GRK4: variants seen among roughly 807,000 people sequenced by gnomAD.
The protein encoded by GRK4 is G protein-coupled receptor kinase 2-like.
GRK4 carries 73 observed loss-of-function variants against 77.9 expected under a neutral mutation model. That is an observed-to-expected ratio of 0.94 (90% CI 0.78 to 1.14). GRK4 has a LOEUF of 1.14. GRK4 is among the 50% of genes most tolerant of loss of function. The probability of loss-of-function intolerance (pLI) is 0.00; values close to 1 mark genes in which losing one functional copy is unlikely to be tolerated. For missense variants in GRK4, 729 were observed against 700.2 expected (o/e 1.04, Z -0.46); for synonymous variants, 257 against 254.4 (o/e 1.01, Z -0.10).
chr4:3,024,223 C>T (rs746411861), intron 10 of GRK4, among the ~76,000 whole-genome samples: 2 of 152,250 alleles, frequency 1.3e-5, no homozygotes, highest in Non-Finnish European at 2.9e-5. Context: ...GACCACAGTC[C>T]TCTGATGCCG....
At chr4:2,979,429 G>A (rs1452677932) in intron 1 of GRK4, among the ~76,000 whole-genome samples, 11 of 123,454 alleles carry the variant, frequency 8.9e-5, no homozygotes, top group South Asian at 2.5e-4. Flanking sequence ...AAAAAAAAGA[G>A]TGGCCAGGCA....
In GRK4 at chr4:3,007,939, G is replaced by T. The variant is rs540020998; in HGVS notation, c.536+111G>T. 1,128 of 697,114 alleles carry T rather than the reference G, an allele frequency of 1.6e-3. 1 individual carries two copies. Among genetic ancestry groups the T allele is most frequent in the Non-Finnish European group, 2.3e-3 (946 of 406,982 alleles). 43.2% of individuals were successfully genotyped at this position (697,114 alleles called of 1,614,324 possible). ...GATTGCTTAAGCCCAAGACTTCAAGGCTATAGTACGGGATGATCAAGCCTG... is the reference window on the plus strand; with the variant it reads ...GATTGCTTAAGCCCAAGACTTCAAGTCTATAGTACGGGATGATCAAGCCTG... On this transcript the variant is annotated intron_variant, in intron 6 of 15. Transcript: ENST00000398052.
intron 10 of GRK4, among the ~76,000 whole-genome samples, chr4:3,027,293 G>A (rs1046497178): frequency 1.4e-4 from 21 of 152,148 alleles, no homozygotes; most frequent in African/African-American, 2.4e-5. Flanking sequence ...GTAATCCTCC[G>A]ACCTTGGCCT....
chr4:2,983,522 C>T (rs1180757964), intron 1 of GRK4, among the ~76,000 whole-genome samples: 1 of 152,194 alleles, frequency 6.6e-6, no homozygotes, highest in Non-Finnish European at 1.5e-5. Flanking sequence ...TGCTCTTCTC[C>T]CAGCACTTGC....
At chr4:2,993,723 T>C (rs1489668651) in intron 4 of GRK4, among the ~76,000 whole-genome samples, 2 of 152,124 alleles carry the variant, frequency 1.3e-5, no homozygotes, top group Non-Finnish European at 2.9e-5. Flanking sequence ...TAACATGTAA[T>C]ACATTATGTA....
At chr4:2,966,669 T>A (rs907649636) in intron 1 of GRK4, 2 of 152,176 alleles carry the variant, frequency 1.3e-5, no homozygotes, top group African/African-American at 4.8e-5. Flanking sequence ...CTTTAAAGTA[T>A]CTCCCAGGAA....
intron 1 of GRK4, among the ~76,000 whole-genome samples, chr4:2,983,772 T>TG (rs1723482259): frequency 6.6e-6 from 1 of 152,164 alleles, no homozygotes; most frequent in African/African-American, 2.4e-5. Flanking sequence ...TACCTGAGAC[T>TG]GGGTAATTTA....
chr4:3,021,449 CT>C (rs1578307870), intron 9 of GRK4, among the ~76,000 whole-genome samples: 2 of 152,308 alleles, frequency 1.3e-5, no homozygotes, highest in Non-Finnish European at 1.5e-5. Context: ...GATCTCATTT[CT>C]TCCTATTCTG....
chr4:3,024,325 G>A (rs1208587762), intron 10 of GRK4, among the ~76,000 whole-genome samples: 4 of 152,084 alleles, frequency 2.6e-5, no homozygotes, highest in African/African-American at 4.8e-5. Flanking sequence ...TCACAGGTGC[G>A]ATTGTGGCAC....
intron 14 of GRK4, among the ~76,000 whole-genome samples, chr4:3,038,060 T>C (rs1195730813): frequency 6.6e-6 from 1 of 152,158 alleles, no homozygotes; most frequent in African/African-American, 2.4e-5. Flanking sequence ...GAGGTAGCTA[T>C]TTTGGGTCTG....
At position 3,040,555 on chromosome 4, in the gene GRK4, GC is replaced by G; in HGVS notation, c.1684-15del. 6.2e-7 allele frequency: 1 copy of G among 1,603,146 alleles called. No individual in the cohort carries two copies. Among genetic ancestry groups the G allele is most frequent in the South Asian group, 1.1e-5 (1 of 88,792 alleles). On this transcript the variant is annotated splice_polypyrimidine_tract_variant and intron_variant, in intron 15 of 15. Coordinates refer to ENST00000398052, the MANE Select transcript of GRK4 (RefSeq NM_182982.3). ...TCGCATCAGCCGTGTGCCTGAGGCCGCCGCTGTGTGTTGTAGGGCTGCCTGA... is the reference window on the plus strand; with the variant it reads ...TCGCATCAGCCGTGTGCCTGAGGCCGCGCTGTGTGTTGTAGGGCTGCCTGA...
chr4:2,969,426 G>A (rs1172570490), intron 1 of GRK4: 1 of 150,064 alleles, frequency 6.7e-6, no homozygotes, highest in Non-Finnish European at 1.5e-5. Context: ...GCCCAGGCTG[G>A]AGTGCAATGG....
intron 4 of GRK4, among the ~76,000 whole-genome samples, chr4:2,995,147 T>C (rs1314119372): frequency 6.6e-6 from 1 of 152,192 alleles, no homozygotes; most frequent in Non-Finnish European, 1.5e-5. Context: ...TATTCCATAG[T>C]GTATATGTAC....
intron 8 of GRK4, among the ~76,000 whole-genome samples, chr4:3,018,059 T>G (rs931353112): frequency 3.3e-5 from 5 of 151,238 alleles, no homozygotes; most frequent in Non-Finnish European, 5.9e-5. Flanking sequence ...TCATTTTCTT[T>G]TTCTTTTTCT....
At chr4:2,964,271 G>T in intron 1 of GRK4, 149 bp downstream of exon 1, 3 of 743,676 alleles carry the variant, frequency 4.0e-6, no homozygotes, top group Non-Finnish European at 6.6e-6. Context: ...ACCCAGATCT[G>T]CACGGAGCCG....
intron 10 of GRK4, among the ~76,000 whole-genome samples, chr4:3,025,837 C>T (rs1737370898): frequency 6.6e-6 from 1 of 152,200 alleles, no homozygotes; most frequent in Non-Finnish European, 1.5e-5. Flanking sequence ...TTCATTCCTT[C>T]ATTTACATAC....
At chr4:2,972,343 T>C (rs1392566718) in intron 1 of GRK4, among the ~76,000 whole-genome samples, 1 of 152,136 alleles carries the variant, frequency 6.6e-6, no homozygotes, top group East Asian at 1.9e-4. Flanking sequence ...CTGGCCTCCT[T>C]GTCTTTACGT....
At chr4:2,964,315 C>T (rs935619316) in intron 1 of GRK4, among the ~76,000 whole-genome samples, 193 bp downstream of exon 1, 1 of 152,148 alleles carries the variant, frequency 6.6e-6, no homozygotes, top group Non-Finnish European at 1.5e-5. Context: ...TCAGGCTGCC[C>T]GGGCCAGGTC....
chr4:2,967,490 G>A (rs770970274), intron 1 of GRK4, among the ~76,000 whole-genome samples: 2 of 151,644 alleles, frequency 1.3e-5, no homozygotes, highest in African/African-American at 2.4e-5. Flanking sequence ...AACCTCTGCC[G>A]CCTGGGTTCA....
Sources: gnomAD v4.1 joint callset for allele counts (sites outside exome capture counted in the v4.1 genomes callset) on GRCh38, gnomAD v4.1.1 for gene constraint, MANE v1.5 for transcripts, NCBI Gene and HGNC (gene_info 2026-07-23, HGNC 2026-07-21) for gene names.